CECR2: variants seen among roughly 807,000 people sequenced by gnomAD.
CECR2 encodes the protein chromatin remodeling regulator CECR2.
In CECR2, 30 loss-of-function variants were observed where a neutral mutation model predicts 154.5. The observed-to-expected ratio is 0.19, with a 90% CI of 0.15 to 0.26. The LOEUF is 0.26. Among genes scored for constraint, CECR2 ranks in the 10% least tolerant of loss-of-function variants. The pLI is 1.00. For synonymous variants in CECR2, 725 were observed against 683.7 expected (o/e 1.06, Z -0.94); for missense variants, 1,743 against 1,829.3 (o/e 0.95, Z 0.86).
chr22:17,526,035 C>T (rs766996001), intron 9 of CECR2, among the ~76,000 whole-genome samples: 3 of 152,078 alleles, frequency 2.0e-5, no homozygotes, highest in African/African-American at 4.8e-5. Flanking sequence ...AAGCTTTCTA[C>T]GTTCATGGAT....
At chr22:17,499,342 C>T (rs182442932) in intron 3 of CECR2, 68 bp from the exon 4 acceptor site, 44 of 1,549,834 alleles carry the variant, frequency 2.8e-5, no homozygotes, top group African/African-American at 9.7e-5. Flanking sequence ...TTGGAATCCT[C>T]GTTCTGGTTT....
At chr22:17,364,342 CAAA>C (rs59134897) in intron 1 of CECR2, among the ~76,000 whole-genome samples, 4 of 52,938 alleles carry the variant, frequency 7.6e-5, no homozygotes, top group African/African-American at 1.1e-4. Flanking sequence ...GACTCTGTCT[CAAA>C]AAAAAAAAAA....
chr22:17,453,302 C>T (rs2054800768), intron 1 of CECR2, among the ~76,000 whole-genome samples: 1 of 152,076 alleles, frequency 6.6e-6, no homozygotes, highest in Non-Finnish European at 1.5e-5. Context: ...ATTAACTGGA[C>T]ACGGTGGCGT....
At chr22:17,550,610 T>C (rs1046189210) in intron 17 of CECR2, among the ~76,000 whole-genome samples, 4 of 152,174 alleles carry the variant, frequency 2.6e-5, no homozygotes, top group Admixed American at 2.0e-4. Context: ...TTAGGTGATC[T>C]GCCATCCAGG....
Position 17,431,290 on chromosome 22 carries a change from G to A in CECR2, c.127-46298G>A, listed in dbSNP as rs185470778. 3.3e-5 allele frequency among the ~76,000 whole-genome samples: 5 copies of A among 152,260 alleles called. No homozygotes were observed. In the East Asian group the frequency reaches 9.6e-4, roughly 29 times the overall value. The stretch of plus-strand genomic sequence containing the variant: ...AAACTTACAGTAATTAATTGAACTG[G>A]TCTTGAGGATATTTGGTTTTGAGCT... On this transcript the variant is annotated intron_variant, in intron 1 of 18. Coordinates refer to ENST00000262608, the MANE Select transcript of CECR2 (RefSeq NM_001290047.2).
At chr22:17,411,757 G>A (rs1386675475) in intron 1 of CECR2, among the ~76,000 whole-genome samples, 1 of 152,020 alleles carries the variant, frequency 6.6e-6, no homozygotes, top group Non-Finnish European at 1.5e-5. Flanking sequence ...ATTGAGAGAA[G>A]CAAAAAGAAA....
intron 1 of CECR2, among the ~76,000 whole-genome samples, chr22:17,402,722 ATCTTTTCTTTTCTT>A: frequency 6.7e-6 from 1 of 149,580 alleles, no homozygotes; most frequent in South Asian, 2.2e-4. Context: ...CAGTTTCCCA[ATCTTTTCTTTTCTT>A]TCTTTCTTTC....
At chr22:17,451,594 C>G (rs1417281598) in intron 1 of CECR2, among the ~76,000 whole-genome samples, 2 of 152,166 alleles carry the variant, frequency 1.3e-5, no homozygotes, top group African/African-American at 4.8e-5. Flanking sequence ...CAGGATTCTT[C>G]CGTTCCTCCG....
At chr22:17,448,802 A>G (rs1393524733) in intron 1 of CECR2, among the ~76,000 whole-genome samples, 2 of 152,128 alleles carry the variant, frequency 1.3e-5, no homozygotes, top group African/African-American at 4.8e-5. Context: ...CTGGATTCCC[A>G]GATGCCGTCC....
At chr22:17,496,605 A>G (rs2055633406) in intron 2 of CECR2, among the ~76,000 whole-genome samples, 1 of 152,250 alleles carries the variant, frequency 6.6e-6, no homozygotes, top group Non-Finnish European at 1.5e-5. Flanking sequence ...GTTGCATATC[A>G]GTGTAGCCAT....
intron 1 of CECR2, among the ~76,000 whole-genome samples, chr22:17,380,095 T>C (rs1387167831): frequency 6.6e-6 from 1 of 152,144 alleles, no homozygotes; most frequent in Non-Finnish European, 1.5e-5. Flanking sequence ...CCTTGTGCTC[T>C]ACTCATGCCC....
intron 1 of CECR2, among the ~76,000 whole-genome samples, chr22:17,441,326 T>C (rs2054582248): frequency 6.6e-6 from 1 of 152,254 alleles, no homozygotes; most frequent in Admixed American, 6.5e-5. Flanking sequence ...TGGCCCTAGA[T>C]AGATCTTTCC....
intron 1 of CECR2, among the ~76,000 whole-genome samples, chr22:17,387,784 C>A (rs565412387): frequency 5.3e-5 from 8 of 152,242 alleles, no homozygotes; most frequent in African/African-American, 1.9e-4. Flanking sequence ...GGTAGAGGGA[C>A]TCTCATTTAG....
chr22:17,542,046 A>G (rs970174634), intron 15 of CECR2, 79 bp downstream of exon 15: 3 of 1,574,104 alleles, frequency 1.9e-6, no homozygotes, highest in Middle Eastern at 1.7e-4. Flanking sequence ...TTCCAGGTTA[A>G]ATGTTGTTCA....
intron 2 of CECR2, among the ~76,000 whole-genome samples, chr22:17,494,258 G>A (rs1481798559): frequency 2.0e-5 from 3 of 152,116 alleles, no homozygotes; most frequent in Non-Finnish European, 2.9e-5. Context: ...CACCACAACC[G>A]GCTAATTTTG....
intron 1 of CECR2, among the ~76,000 whole-genome samples, chr22:17,411,964 G>A (rs979216085): frequency 5.3e-5 from 8 of 152,062 alleles, no homozygotes; most frequent in Non-Finnish European, 8.8e-5. Flanking sequence ...GTTGTCGGAC[G>A]TCAAGGTTTT....
In CECR2 at chr22:17,447,815, G is replaced by T. The variant is rs372305666; in HGVS notation, c.127-29773G>T. On this transcript the variant is annotated intron_variant, in intron 1 of 18. Transcript: ENST00000262608. ...GTATTAGCCACTGGCAGCTGTGTAAGTTTACCTTAAATAAAATGTAAAGAT... is the reference window on the plus strand; with the variant it reads ...GTATTAGCCACTGGCAGCTGTGTAATTTTACCTTAAATAAAATGTAAAGAT... 4.5e-3 allele frequency among the ~76,000 whole-genome samples: 678 copies of T among 152,096 alleles called. 10 individuals are homozygous for T. Among genetic ancestry groups the T allele is most frequent in the African/African-American group, 0.016 (656 of 41,530 alleles).
At chr22:17,504,308 T>TA (rs1363963118) in intron 6 of CECR2, among the ~76,000 whole-genome samples, 2 of 151,260 alleles carry the variant, frequency 1.3e-5, no homozygotes, top group Non-Finnish European at 2.9e-5. Context: ...CCAGGAGGTG[T>TA]AGGTTACAGT....
intron 6 of CECR2, 65 bp downstream of exon 6, chr22:17,503,196 G>T: frequency 1.4e-6 from 2 of 1,459,624 alleles, no homozygotes; most frequent in South Asian, 2.4e-5. Flanking sequence ...CTAGGGTGTT[G>T]ACTCTTTTTC....
Sources: gnomAD v4.1 joint callset for allele counts (sites outside exome capture counted in the v4.1 genomes callset) on GRCh38, gnomAD v4.1.1 for gene constraint, MANE v1.5 for transcripts, NCBI Gene and HGNC (gene_info 2026-07-23, HGNC 2026-07-21) for gene names.